WDR70: variants seen among roughly 807,000 people sequenced by gnomAD.
WDR70 encodes WD repeat-containing protein 70.
Under a neutral mutation model 88.6 loss-of-function variants are expected in WDR70, and 53 were observed. That is an observed-to-expected ratio of 0.60 (90% CI 0.48 to 0.75). The LOEUF (loss-of-function observed/expected upper bound fraction) is 0.75, where lower values mean the gene tolerates loss of function less well. Among genes scored for constraint, WDR70 ranks in the 30% least tolerant of loss-of-function variants. WDR70 has a pLI of 0.00. For synonymous variants in WDR70, 280 were observed against 270.0 expected, an observed-to-expected ratio of 1.04 and a Z score of -0.36; for missense variants, 610 against 823.2, an observed-to-expected ratio of 0.74 and a Z score of 3.17.
At chr5:37,746,562 T>A (rs1011804172) in intron 17 of WDR70, among the ~76,000 whole-genome samples, 2 of 151,820 alleles carry the variant, frequency 1.3e-5, no homozygotes, top group African/African-American at 4.8e-5. Flanking sequence ...ATCAAATAGA[T>A]GCAATAAAAA....
intron 10 of WDR70, among the ~76,000 whole-genome samples, chr5:37,678,566 C>G (rs1746310253): frequency 6.6e-6 from 1 of 152,084 alleles, no homozygotes; most frequent in South Asian, 2.1e-4. Context: ...GGCCCCCACT[C>G]TCTTCTGGCT....
chr5:37,627,196 A>G (rs1385978443), intron 10 of WDR70, among the ~76,000 whole-genome samples: 1 of 151,928 alleles, frequency 6.6e-6, no homozygotes, highest in African/African-American at 2.4e-5. Context: ...TCAGGTGATC[A>G]TCCTGCCTCT....
chr5:37,629,303 A>G (rs1204023326), intron 10 of WDR70, among the ~76,000 whole-genome samples: 2 of 152,084 alleles, frequency 1.3e-5, no homozygotes, highest in African/African-American at 2.4e-5. Context: ...AGCTCCCTGG[A>G]CCTAAATGCT....
At chr5:37,694,732 A>G (rs1746928148) in intron 10 of WDR70, among the ~76,000 whole-genome samples, 1 of 151,988 alleles carries the variant, frequency 6.6e-6, no homozygotes, top group Non-Finnish European at 1.5e-5. Flanking sequence ...GCATTAGGAG[A>G]AATACCTAAT....
chr5:37,656,053 G>A (rs1745545257), intron 10 of WDR70, among the ~76,000 whole-genome samples: 1 of 114,650 alleles, frequency 8.7e-6, no homozygotes, highest in African/African-American at 2.6e-5. Context: ...TTTTTGCCCT[G>A]GTTTTTTTTT....
In WDR70 at chr5:37,656,416, C is replaced by T. The variant is rs1048317746; in HGVS notation, c.1093-41239C>T. Among the ~76,000 whole-genome samples, 15 of 152,302 alleles carry T rather than the reference C, an allele frequency of 9.8e-5. No homozygotes were observed. The East Asian group carries it at 1.5e-3, about 16-fold the overall frequency. On this transcript the variant is annotated intron_variant, in intron 10 of 17. Coordinates refer to ENST00000265107, the MANE Select transcript of WDR70 (RefSeq NM_018034.4). ...GGAGGTGTCTCCCAGTCAGGAGACA[C>T]GGGGGTCAGGGACCCACTTGAGGAG...
intron 13 of WDR70, among the ~76,000 whole-genome samples, chr5:37,714,567 A>C (rs937574782): frequency 3.3e-5 from 5 of 152,144 alleles, no homozygotes; most frequent in Admixed American, 2.6e-4. Context: ...GAGGGGCTCC[A>C]TATCTTGATA....
chr5:37,477,522 G>C (rs1739524631), intron 7 of WDR70, among the ~76,000 whole-genome samples: 1 of 152,186 alleles, frequency 6.6e-6, no homozygotes. Flanking sequence ...ACAACAGTTA[G>C]GTCAAGTTAA....
rs888730080 is a variant in WDR70 at position 37,691,564 on chromosome 5, A to G, written c.1093-6091A>G. ...AACTCAGGATTAAGAAACTCACTCA[A>G]AACTGCACAAGTACATGGAAACTGA... On this transcript the variant is annotated intron_variant, in intron 10 of 17. Coordinates refer to ENST00000265107, the MANE Select transcript of WDR70 (RefSeq NM_018034.4). Among the ~76,000 whole-genome samples the G allele has an allele frequency of 3.3e-5, 5 of 152,222 alleles. No homozygotes were observed. In the East Asian group the frequency reaches 7.7e-4, roughly 23 times the overall value.
rs372054434 is a variant in WDR70 at position 37,405,083 on chromosome 5, C to T, written c.492+8513C>T. Among the ~76,000 whole-genome samples, 14 of 151,940 alleles carry T rather than the reference C, an allele frequency of 9.2e-5. No homozygotes were observed. The East Asian group carries it at 9.7e-4, about 10-fold the overall frequency. On this transcript the variant is annotated intron_variant, in intron 5 of 17. Transcript: ENST00000265107. Reference sequence around the variant, plus strand: ...GTCTGAAAATGTTTGAAAATACCAGCGTATGTAAAATATTAGAATAATTAG... The same window carrying T: ...GTCTGAAAATGTTTGAAAATACCAGTGTATGTAAAATATTAGAATAATTAG...
intron 9 of WDR70, among the ~76,000 whole-genome samples, chr5:37,526,297 G>A (rs1741269622): frequency 6.6e-6 from 1 of 152,128 alleles, no homozygotes. Context: ...GATCAAGTGG[G>A]TTTCATCCCA....
chr5:37,724,214 A>G (rs1375792277), intron 15 of WDR70: 2 of 152,132 alleles, frequency 1.3e-5, no homozygotes, highest in Non-Finnish European at 2.9e-5. Context: ...CTAGAATATT[A>G]TACTGTTTTC....
At chr5:37,725,598 G>C (rs930525578) in intron 16 of WDR70, among the ~76,000 whole-genome samples, 1 of 152,068 alleles carries the variant, frequency 6.6e-6, no homozygotes, top group Non-Finnish European at 1.5e-5. Flanking sequence ...TTCATTTTCT[G>C]TTATCATCTG....
intron 17 of WDR70, among the ~76,000 whole-genome samples, chr5:37,751,131 G>T (rs1277068488): frequency 6.6e-6 from 1 of 152,138 alleles, no homozygotes; most frequent in South Asian, 2.1e-4. Context: ...GGACAAATTT[G>T]TTCTTGAACA....
At chr5:37,405,501 C>T (rs1749325778) in intron 5 of WDR70, among the ~76,000 whole-genome samples, 2 of 151,962 alleles carry the variant, frequency 1.3e-5, no homozygotes, top group African/African-American at 2.4e-5. Context: ...AGGTGTGAGC[C>T]GCTGTGCCTG....
rs995398714 is a variant in WDR70, at chr5:37,752,873, C to G, written c.*300C>G. ...TTGGTCTTGTCCAGATTCTCATAAC[C>G]TTAGAGAGGAAAATGTACATTAAGA... is the stretch of plus-strand genomic sequence containing the variant. On this transcript the variant is annotated 3_prime_UTR_variant, in exon 18 of 18. Coordinates refer to ENST00000265107, the MANE Select transcript of WDR70 (RefSeq NM_018034.4). 5 of 227,764 alleles carry G rather than the reference C, an allele frequency of 2.2e-5. No homozygotes were observed. The highest frequency in any genetic ancestry group is 8.4e-6 in the Non-Finnish European group (1 of 119,160). 14.1% of individuals were successfully genotyped at this position (227,764 alleles called of 1,614,324 possible). A position where few individuals can be genotyped will look rare whatever the true frequency, so the allele number is the denominator to read the frequency against.
intron 5 of WDR70, among the ~76,000 whole-genome samples, chr5:37,403,948 T>G (rs1421761772): frequency 6.6e-6 from 1 of 152,140 alleles, no homozygotes; most frequent in Non-Finnish European, 1.5e-5. Context: ...TGCTCTCTTG[T>G]CTGTGTGGCC....
chr5:37,710,459 G>A (rs1311694089), intron 13 of WDR70, among the ~76,000 whole-genome samples: 2 of 152,004 alleles, frequency 1.3e-5, no homozygotes, highest in Non-Finnish European at 2.9e-5. Context: ...TAAATCAGCG[G>A]TCCCCAACTT....
intron 9 of WDR70, among the ~76,000 whole-genome samples, chr5:37,558,721 A>G (rs1454494548): frequency 1.3e-5 from 2 of 152,144 alleles, no homozygotes; most frequent in African/African-American, 2.4e-5. Flanking sequence ...TCTGTCAGCC[A>G]TCTGTATTAT....
Sources: allele counts gnomAD v4.1 joint callset (sites outside exome capture counted in the v4.1 genomes callset), GRCh38; gene constraint gnomAD v4.1.1; transcripts MANE v1.5; gene names NCBI Gene and HGNC (gene_info 2026-07-23, HGNC 2026-07-21).